PDE12: variants seen among roughly 807,000 people sequenced by gnomAD.
PDE12 encodes 2',5'-phosphodiesterase 12.
A neutral mutation model predicts 45.4 loss-of-function variants in PDE12; 26 were observed. The ratio of observed to expected loss-of-function variants is 0.57; its 90% CI spans 0.42 to 0.79. The LOEUF (loss-of-function observed/expected upper bound fraction) is 0.79, where lower values mean the gene tolerates loss of function less well. Ranked by LOEUF, PDE12 falls within the 30% of genes least tolerant of loss-of-function variation. The pLI is 0.00. For synonymous variants in PDE12, 283 were observed against 323.9 expected (o/e 0.87, Z 1.36); for missense variants, 668 against 790.0 (o/e 0.85, Z 1.85).
At chr3:57,614,916 C>A in the PDE12 span, among the ~76,000 whole-genome samples, 1 of 151,382 alleles carries the variant, frequency 6.6e-6, no homozygotes, top group Non-Finnish European at 1.5e-5. Context: ...TCGCTTGAAT[C>A]CGGGCGGCAG....
In PDE12 at chr3:57,557,218, A is replaced by G; in HGVS notation, c.839A>G (p.Asp280Gly). Residue 280 changes from aspartate to glycine, a missense_variant, in exon 1 of 3, where the codon GAC (aspartate) becomes GGC (glycine). This residue lies in a region of PDE12 where 580 missense variants were observed against 662.9 expected (regional missense o/e 0.87). Coordinates refer to ENST00000311180, the MANE Select transcript of PDE12 (RefSeq NM_177966.7). ...VEAGPGTCTF[D>G]HRHLYTKKVT... ...GCTGGGCCTGGCACCTGCACTTTTG[A>G]CCACCGGCATCTCTACACGAAGAAG... The G allele has an allele frequency of 1.2e-6, 2 of 1,606,870 alleles. No homozygotes were observed. Among genetic ancestry groups the G allele is most frequent in the Non-Finnish European group, 1.7e-6 (2 of 1,177,472 alleles).
chr3:57,593,021 G>C, the PDE12 span, among the ~76,000 whole-genome samples: 1 of 152,050 alleles, frequency 6.6e-6, no homozygotes, highest in Admixed American at 6.6e-5. Flanking sequence ...CTGGGCAACA[G>C]AGCAAGACCC....
chr3:57,601,905 C>T, the PDE12 span, among the ~76,000 whole-genome samples: 17 of 151,214 alleles, frequency 1.1e-4, no homozygotes, highest in Non-Finnish European at 1.9e-4. Context: ...CCACCACACC[C>T]GGCTAATTTT....
At chr3:57,633,767 G>A in the PDE12 span, among the ~76,000 whole-genome samples, 1 of 151,844 alleles carries the variant, frequency 6.6e-6, no homozygotes, top group Non-Finnish European at 1.5e-5. Flanking sequence ...GCGGGCACCT[G>A]TAATCCCAGC....
At chr3:57,625,016 A>G in the PDE12 span, among the ~76,000 whole-genome samples, 2 of 151,994 alleles carry the variant, frequency 1.3e-5, no homozygotes, top group South Asian at 4.1e-4. Context: ...CCCCTCACCC[A>G]CCTGAGCCAC....
the PDE12 span, among the ~76,000 whole-genome samples, chr3:57,572,477 TTGGGAGGCGGAGA>T: frequency 6.6e-6 from 1 of 152,128 alleles, no homozygotes; most frequent in African/African-American, 2.4e-5. Context: ...TCCCAGCACT[TTGGGAGGCGGAGA>T]TGGGAGGATC....
chr3:57,586,894 A>C, the PDE12 span, among the ~76,000 whole-genome samples: 7 of 152,176 alleles, frequency 4.6e-5, no homozygotes, highest in African/African-American at 7.2e-5. Context: ...TTAAGTTCAA[A>C]TATGATTAAG....
At chr3:57,604,476 T>C in the PDE12 span, among the ~76,000 whole-genome samples, 2 of 152,104 alleles carry the variant, frequency 1.3e-5, no homozygotes, top group African/African-American at 4.8e-5. Flanking sequence ...ACTGGAATGC[T>C]AAAAGCTGGG....
intron 1 of PDE12, among the ~76,000 whole-genome samples, chr3:57,557,944 C>T (rs984573108): frequency 6.6e-6 from 1 of 152,128 alleles, no homozygotes; most frequent in Admixed American, 6.5e-5. Context: ...TACAATCTAG[C>T]GAGAGGGACA....
At chr3:57,620,067 C>T in the PDE12 span, among the ~76,000 whole-genome samples, 2 of 151,612 alleles carry the variant, frequency 1.3e-5, no homozygotes, top group Admixed American at 6.6e-5. Context: ...ACTGAAAATA[C>T]AAAAATTAGC....
chr3:57,572,324 T>A, the PDE12 span: 5 of 1,554,818 alleles, frequency 3.2e-6, no homozygotes, highest in Non-Finnish European at 4.4e-6. Context: ...AAGAAAATAC[T>A]TGATTAACAA....
At chr3:57,582,462 T>C in the PDE12 span, among the ~76,000 whole-genome samples, 2 of 152,052 alleles carry the variant, frequency 1.3e-5, no homozygotes, top group Non-Finnish European at 2.9e-5. Flanking sequence ...AGGCTGGTCT[T>C]GAACTCCTGA....
chr3:57,653,831 GTTT>G, the PDE12 span, among the ~76,000 whole-genome samples: 2 of 139,754 alleles, frequency 1.4e-5, no homozygotes, highest in Non-Finnish European at 3.1e-5. Flanking sequence ...AAATCACTGG[GTTT>G]TTTTTTTTTA....
the PDE12 span, among the ~76,000 whole-genome samples, chr3:57,594,161 T>G: frequency 2.0e-5 from 3 of 152,032 alleles, no homozygotes; most frequent in Admixed American, 6.6e-5. Context: ...GAGGCAGAGG[T>G]TGCAGTGAGC....
chr3:57,595,546 C>A, the PDE12 span, among the ~76,000 whole-genome samples: 12 of 152,268 alleles, frequency 7.9e-5, no homozygotes, highest in East Asian at 9.6e-4. Flanking sequence ...AGTGTAAGTA[C>A]GCTAAGAGGA....
the PDE12 span, chr3:57,572,059 C>A: frequency 1.7e-6 from 1 of 601,840 alleles, no homozygotes; most frequent in Non-Finnish European, 3.0e-6. Flanking sequence ...CAACATTATA[C>A]TCGGTAAACA....
At chr3:57,584,309 C>A in the PDE12 span, 29 of 1,281,146 alleles carry the variant, frequency 2.3e-5, no homozygotes, top group African/African-American at 1.2e-4. Context: ...AACAAAAAGA[C>A]AATCTCAAAA....
At chr3:57,572,999 G>A in the PDE12 span, among the ~76,000 whole-genome samples, 3 of 151,818 alleles carry the variant, frequency 2.0e-5, no homozygotes, top group African/African-American at 4.8e-5. Flanking sequence ...TCAGGAGATC[G>A]AGACCTTCCT....
the PDE12 span, among the ~76,000 whole-genome samples, chr3:57,616,379 G>A: frequency 6.8e-6 from 1 of 146,538 alleles, no homozygotes; most frequent in Non-Finnish European, 1.5e-5. Context: ...GAGGCAGGGG[G>A]GAGGAGGAGA....
Sources: allele counts gnomAD v4.1 joint callset (sites outside exome capture counted in the v4.1 genomes callset), GRCh38; gene constraint gnomAD v4.1.1; regional missense constraint gnomAD v4.1.1; transcripts MANE v1.5; gene names NCBI Gene and HGNC (gene_info 2026-07-23, HGNC 2026-07-21).